SDK1: variants seen among roughly 807,000 people sequenced by gnomAD.
The protein encoded by SDK1 is protein sidekick-1.
Under a neutral mutation model 245.5 loss-of-function variants are expected in SDK1, and 157 were observed. The observed-to-expected ratio is 0.64, with a 90% confidence interval of 0.56 to 0.73. The LOEUF (loss-of-function observed/expected upper bound fraction) is 0.73, where lower values mean the gene tolerates loss of function less well. Among genes scored for constraint, SDK1 ranks in the 30% least tolerant of loss-of-function variants. The pLI is 0.00. For missense variants in SDK1, 3,583 were observed against 3,002.3 expected (o/e 1.19, Z -4.52); for synonymous variants, 1,647 against 1,278.5 (o/e 1.29, Z -6.15).
intron 4 of SDK1, among the ~76,000 whole-genome samples, chr7:3,755,830 C>T (rs1345835852): frequency 1.3e-5 from 2 of 152,106 alleles, no homozygotes; most frequent in African/African-American, 2.4e-5. Flanking sequence ...CATGTTGTTG[C>T]ATGTTTTGAA....
intron 17 of SDK1, among the ~76,000 whole-genome samples, chr7:4,018,706 C>G (rs1188279170): frequency 6.6e-6 from 1 of 152,126 alleles, no homozygotes; most frequent in African/African-American, 2.4e-5. Flanking sequence ...AAGTGGATCT[C>G]CACCTAATTG....
At chr7:3,515,169 T>A (rs765080757) in intron 1 of SDK1, among the ~76,000 whole-genome samples, 1 of 152,152 alleles carries the variant, frequency 6.6e-6, no homozygotes, top group African/African-American at 2.4e-5. Flanking sequence ...TCTGCTGTTT[T>A]GAGCAACCTT....
chr7:3,995,444 C>T (rs542807756), intron 14 of SDK1, among the ~76,000 whole-genome samples: 3 of 151,732 alleles, frequency 2.0e-5, no homozygotes, highest in African/African-American at 7.3e-5. Flanking sequence ...CCTCTACTTG[C>T]GTTGTCCCCA....
intron 5 of SDK1, among the ~76,000 whole-genome samples, chr7:3,866,213 G>T (rs1780817667): frequency 6.6e-6 from 1 of 152,208 alleles, no homozygotes; most frequent in Admixed American, 6.5e-5. Context: ...CTGAAGAGCT[G>T]ATTCACTTAT....
chr7:4,120,766 A>G (rs1043629926), intron 25 of SDK1, among the ~76,000 whole-genome samples: 10 of 151,894 alleles, frequency 6.6e-5, no homozygotes, highest in Admixed American at 6.6e-5. Flanking sequence ...ACAGGTGCCC[A>G]CCACCATGAC....
At chr7:3,445,783 A>T (rs1225203984) in intron 1 of SDK1, among the ~76,000 whole-genome samples, 1 of 152,128 alleles carries the variant, frequency 6.6e-6, no homozygotes, top group Admixed American at 6.5e-5. Flanking sequence ...TCAGCCATCA[A>T]ACATAATTTA....
intron 17 of SDK1, among the ~76,000 whole-genome samples, chr7:4,035,511 A>T (rs993369172): frequency 6.6e-6 from 1 of 152,146 alleles, no homozygotes; most frequent in Non-Finnish European, 1.5e-5. Context: ...TGTTGGTGGG[A>T]GTGGCATGGC....
chr7:3,906,476 T>C (rs1430787084), intron 5 of SDK1, among the ~76,000 whole-genome samples: 1 of 152,088 alleles, frequency 6.6e-6, no homozygotes, highest in Non-Finnish European at 1.5e-5. Context: ...GGAACGCTCA[T>C]GCTCCCTGAA....
intron 4 of SDK1, among the ~76,000 whole-genome samples, chr7:3,755,311 G>A (rs982718384): frequency 2.0e-5 from 3 of 152,114 alleles, no homozygotes; most frequent in African/African-American, 7.2e-5. Flanking sequence ...AAATAGGGAC[G>A]ACTCAGTCAC....
At chr7:3,316,483 A>G (rs1230128982) in intron 1 of SDK1, among the ~76,000 whole-genome samples, 2 of 152,224 alleles carry the variant, frequency 1.3e-5, no homozygotes, top group Non-Finnish European at 1.5e-5. Flanking sequence ...GAATTGCCTA[A>G]TAGTGCATTT....
intron 22 of SDK1, among the ~76,000 whole-genome samples, chr7:4,087,479 G>GTGCACACACA (rs1554336241): frequency 6.7e-6 from 1 of 150,254 alleles, no homozygotes; most frequent in Non-Finnish European, 1.5e-5. Flanking sequence ...ACACACGCGC[G>GTGCACACACA]CACACACACA....
At chr7:3,576,595 TA>T (rs1780299730) in intron 1 of SDK1, among the ~76,000 whole-genome samples, 1 of 152,090 alleles carries the variant, frequency 6.6e-6, no homozygotes, top group African/African-American at 2.4e-5. Flanking sequence ...CCAGTATCTT[TA>T]ATTTCCTAGA....
intron 22 of SDK1, among the ~76,000 whole-genome samples, chr7:4,109,105 C>G (rs1446935656): frequency 6.6e-6 from 1 of 152,136 alleles, no homozygotes; most frequent in Non-Finnish European, 1.5e-5. Flanking sequence ...CTTTGACTGT[C>G]GTGACTAGTG....
intron 1 of SDK1, among the ~76,000 whole-genome samples, chr7:3,520,427 T>C (rs1782899185): frequency 1.3e-5 from 2 of 152,182 alleles, no homozygotes. Flanking sequence ...GTGTAAAAGC[T>C]CTCTGTACAC....
chr7:3,783,126 C>G (rs1780796336), intron 4 of SDK1, among the ~76,000 whole-genome samples: 1 of 152,154 alleles, frequency 6.6e-6, no homozygotes, highest in African/African-American at 2.4e-5. Flanking sequence ...AAGCCATGTG[C>G]TCATTTTGTT....
intron 1 of SDK1, among the ~76,000 whole-genome samples, chr7:3,535,961 C>G (rs889924652): frequency 1.3e-5 from 2 of 151,962 alleles, no homozygotes; most frequent in African/African-American, 2.4e-5. Context: ...ATATCTAGTA[C>G]TATAATTTAT....
intron 1 of SDK1, among the ~76,000 whole-genome samples, chr7:3,507,964 T>C (rs1010440670): frequency 6.6e-6 from 1 of 152,186 alleles, no homozygotes; most frequent in Non-Finnish European, 1.5e-5. Context: ...TGGTGGCATT[T>C]GACACTGCTG....
intron 1 of SDK1, among the ~76,000 whole-genome samples, chr7:3,528,531 T>C (rs1182908653): frequency 6.6e-6 from 1 of 152,018 alleles, no homozygotes; most frequent in East Asian, 1.9e-4. Context: ...CGTGTTTGCA[T>C]TTATTTACAA....
intron 1 of SDK1, among the ~76,000 whole-genome samples, chr7:3,554,816 T>A (rs1483914857): frequency 6.6e-6 from 1 of 151,812 alleles, no homozygotes; most frequent in Admixed American, 6.6e-5. Flanking sequence ...AAAAAAGAAA[T>A]CAAGAAACTA....
Sources: gnomAD v4.1 joint callset for allele counts (sites outside exome capture counted in the v4.1 genomes callset) on GRCh38, gnomAD v4.1.1 for gene constraint, MANE v1.5 for transcripts, NCBI Gene and HGNC (gene_info 2026-07-23, HGNC 2026-07-21) for gene names.